BRMS1L: variants seen among roughly 807,000 people sequenced by gnomAD.
The protein encoded by BRMS1L is BRMS1 like transcriptional repressor, also known as breast cancer metastasis-suppressor 1-like protein.
Under a neutral mutation model 50.3 loss-of-function variants are expected in BRMS1L, and 23 were observed. That is an observed-to-expected ratio of 0.46 (90% CI 0.33 to 0.65). The LOEUF (loss-of-function observed/expected upper bound fraction) is 0.65. Ranked by LOEUF, BRMS1L falls within the 30% of genes least tolerant of loss-of-function variation. The pLI is 0.02. For missense variants in BRMS1L, 286 were observed against 386.1 expected, an observed-to-expected ratio of 0.74 and a Z score of 2.17; for synonymous variants, 114 against 126.9, an observed-to-expected ratio of 0.90 and a Z score of 0.69.
At chr14:35,860,248 GCCTCC>G (rs2078332244) in intron 4 of BRMS1L, among the ~76,000 whole-genome samples, 2 of 152,032 alleles carry the variant, frequency 1.3e-5, no homozygotes, top group Non-Finnish European at 2.9e-5. Context: ...TAGTGCCTCA[GCCTCC>G]TGAGTAGCTG....
intron 4 of BRMS1L, among the ~76,000 whole-genome samples, chr14:35,836,521 T>A (rs971942910): frequency 6.6e-6 from 1 of 152,056 alleles, no homozygotes; most frequent in Non-Finnish European, 1.5e-5. Flanking sequence ...TTAAAATTTT[T>A]TGTAGAGAAG....
chr14:35,826,752 CGGGGCG>C, intron 1 of BRMS1L, 94 bp downstream of exon 1: 1 of 1,524,666 alleles, frequency 6.6e-7, no homozygotes, highest in Non-Finnish European at 8.8e-7. Context: ...GCTGGGAAAG[CGGGGCG>C]GGGACAGAGG....
chr14:35,855,418 A>C (rs1463487510), intron 4 of BRMS1L, among the ~76,000 whole-genome samples: 2 of 152,164 alleles, frequency 1.3e-5, no homozygotes, highest in African/African-American at 2.4e-5. Flanking sequence ...GAGTTTAAGA[A>C]TATCTTTAAA....
intron 5 of BRMS1L, among the ~76,000 whole-genome samples, chr14:35,862,972 A>G (rs1459191224): frequency 6.6e-6 from 1 of 152,138 alleles, no homozygotes; most frequent in African/African-American, 2.4e-5. Context: ...GGTGCTGCAC[A>G]TCTATATCTA....
intron 1 of BRMS1L, among the ~76,000 whole-genome samples, chr14:35,829,606 C>T (rs888927960): frequency 4.6e-5 from 7 of 152,140 alleles, no homozygotes; most frequent in Non-Finnish European, 8.8e-5. Flanking sequence ...TCTAAGGCTA[C>T]GGAAAAGCCT....
At position 35,843,398 on chromosome 14, in the gene BRMS1L, TC is replaced by T. The variant is rs528002410; in HGVS notation, c.441+8477del. Among the ~76,000 whole-genome samples, 7 of 152,344 alleles carry T rather than the reference TC, an allele frequency of 4.6e-5. No individual in the cohort carries two copies. In the East Asian group the frequency reaches 7.7e-4, roughly 17 times the overall value. On this transcript the variant is annotated intron_variant, in intron 4 of 9. Transcript: ENST00000216807. ...TCCTTTTTGTTGATGTTGATGCTATTCCTTTCTGTTCGTTAGTTTTCCTTGT... is the reference window on the plus strand; with the variant it reads ...TCCTTTTTGTTGATGTTGATGCTATTCTTTCTGTTCGTTAGTTTTCCTTGT...
chr14:35,831,837 T>C (rs752079076), intron 2 of BRMS1L, among the ~76,000 whole-genome samples: 1 of 152,086 alleles, frequency 6.6e-6, no homozygotes, highest in Non-Finnish European at 1.5e-5. Flanking sequence ...GGTGGATCAA[T>C]TGAGCCCAGG....
chr14:35,839,190 G>A (rs1244663534), intron 4 of BRMS1L, among the ~76,000 whole-genome samples: 2 of 152,064 alleles, frequency 1.3e-5, no homozygotes, highest in Non-Finnish European at 2.9e-5. Flanking sequence ...TAGGTGTGTG[G>A]CATTATTTCT....
At chr14:35,837,560 C>CA (rs1157303843) in intron 4 of BRMS1L, among the ~76,000 whole-genome samples, 1 of 151,612 alleles carries the variant, frequency 6.6e-6, no homozygotes, top group Non-Finnish European at 1.5e-5. Context: ...TTTTCTTCTT[C>CA]TTTTTTTTGA....
intron 3 of BRMS1L, 102 bp downstream of exon 3, chr14:35,833,207 C>A: frequency 1.7e-6 from 2 of 1,170,560 alleles, no homozygotes; most frequent in Non-Finnish European, 1.2e-6. Context: ...GGATTACAAG[C>A]ATATTTACAT....
At chr14:35,843,565 A>G (rs890341808) in intron 4 of BRMS1L, among the ~76,000 whole-genome samples, 40 of 152,192 alleles carry the variant, frequency 2.6e-4, no homozygotes, top group Non-Finnish European at 4.9e-4. Context: ...GCTTCGTCCC[A>G]GAGGGGCACC....
intron 9 of BRMS1L, among the ~76,000 whole-genome samples, chr14:35,868,403 A>T (rs1314899921): frequency 6.6e-6 from 1 of 152,212 alleles, no homozygotes; most frequent in African/African-American, 2.4e-5. Context: ...TGGATGTGTT[A>T]CAATATTTTA....
At chr14:35,843,258 G>C (rs1235404347) in intron 4 of BRMS1L, among the ~76,000 whole-genome samples, 1 of 152,128 alleles carries the variant, frequency 6.6e-6, no homozygotes, top group African/African-American at 2.4e-5. Context: ...GAGAAGAGGC[G>C]TTCTGGTTTT....
intron 1 of BRMS1L, 175 bp downstream of exon 1, chr14:35,826,833 C>G: frequency 3.3e-6 from 3 of 915,660 alleles, no homozygotes; most frequent in Non-Finnish European, 4.7e-6. Context: ...CGCTGTCTGG[C>G]TCCTGATGGG....
At chr14:35,836,334 A>T (rs539128288) in intron 4 of BRMS1L, among the ~76,000 whole-genome samples, 42 of 151,614 alleles carry the variant, frequency 2.8e-4, no homozygotes, top group African/African-American at 9.7e-4. Flanking sequence ...TATTTATGGG[A>T]TGTGTTTTGT....
At position 35,847,241 on chromosome 14, in the gene BRMS1L, G is replaced by A. The variant is rs1045785621; in HGVS notation, c.441+12318G>A. 2.6e-5 allele frequency among the ~76,000 whole-genome samples: 4 copies of A among 152,110 alleles called. No homozygotes were observed. In the East Asian group the frequency reaches 7.7e-4, roughly 29 times the overall value. On this transcript the variant is annotated intron_variant, in intron 4 of 9. Transcript: ENST00000216807. ...CGATCTGCCACCTTGGCCTCCCAAA[G>A]TCCTCAAATTACAGGCTGAAGCCAC... is the stretch of plus-strand genomic sequence containing the variant.
At chr14:35,855,091 A>C (rs2078263645) in intron 4 of BRMS1L, among the ~76,000 whole-genome samples, 1 of 152,142 alleles carries the variant, frequency 6.6e-6, no homozygotes, top group Admixed American at 6.6e-5. Context: ...CCAGTTCCCT[A>C]TTCTGCTTAG....
chr14:35,859,073 C>G (rs923708349), intron 4 of BRMS1L, among the ~76,000 whole-genome samples: 1 of 151,778 alleles, frequency 6.6e-6, no homozygotes, highest in Admixed American at 6.6e-5. Context: ...TGCCGAGTAG[C>G]TGGGATTACA....
chr14:35,826,698 A>C (rs2142032951), intron 1 of BRMS1L, 40 bp downstream of exon 1: 1 of 1,599,636 alleles, frequency 6.3e-7, no homozygotes, highest in Middle Eastern at 1.9e-4. Context: ...CCCCGCGCCC[A>C]GCGCGCGACA....
Sources: gnomAD v4.1 joint callset for allele counts (sites outside exome capture counted in the v4.1 genomes callset) on GRCh38, gnomAD v4.1.1 for gene constraint, MANE v1.5 for transcripts, NCBI Gene and HGNC (gene_info 2026-07-23, HGNC 2026-07-21) for gene names.